Variants in DLEC1 observed in about 807,000 individuals in gnomAD.
DLEC1 encodes deleted in lung and esophageal cancer protein 1.
DLEC1 carries 146 observed loss-of-function variants against 198.1 expected under a neutral mutation model. That is an observed-to-expected ratio of 0.74 (90% confidence interval 0.64 to 0.85). The LOEUF (loss-of-function observed/expected upper bound fraction) is 0.85. Ranked by LOEUF, DLEC1 falls within the 40% of genes least tolerant of loss-of-function variation. DLEC1 has a pLI of 0.00. For synonymous variants in DLEC1, 897 were observed against 866.8 expected (o/e 1.03, Z -0.61); for missense variants, 2,233 against 2,220.0 (o/e 1.01, Z -0.12).
chr3:38,104,984 C>T (rs535992981), intron 19 of DLEC1, among the ~76,000 whole-genome samples: 71 of 152,220 alleles, frequency 4.7e-4, no homozygotes, highest in African/African-American at 1.6e-3. Context: ...CATCCTATAA[C>T]TTTTCATATA....
chr3:38,052,210 G>T, intron 2 of DLEC1: 1 of 453,312 alleles, frequency 2.2e-6, no homozygotes. Flanking sequence ...CATACCCAAT[G>T]TAAAATGTAG....
At chr3:38,086,108 A>C in intron 8 of DLEC1, 133 bp from the exon 9 acceptor site, 2 of 1,284,312 alleles carry the variant, frequency 1.6e-6, no homozygotes, top group South Asian at 3.2e-5. Flanking sequence ...GTCCCCACTC[A>C]TCCTCTCTGC....
In DLEC1 at chr3:38,039,468, T is replaced by A; in HGVS notation, c.243T>A (p.Arg81=). 1.9e-6 allele frequency: 3 copies of A among 1,614,050 alleles called. No individual in the cohort carries two copies. Among genetic ancestry groups the A allele is most frequent in the Non-Finnish European group, 2.5e-6 (3 of 1,179,882 alleles). The change falls in exon 1 of 37, where the codon CGT becomes CGA. Residue 81 remains arginine, a synonymous_variant. Coordinates refer to ENST00000308059, the MANE Select transcript of DLEC1 (RefSeq NM_007335.4). ...AGCGTCCCGAGCCTCAGCTGCTTCG[T>A]CTGCGCCCCTCCTCGCTGCGCACCC... ...LAQRPEPQLL[R]LRPSSLRTQD...
rs58003323 is a variant in DLEC1 at position 38,053,254 on chromosome 3, G to A, written c.563-6488G>A. On this transcript the variant is annotated intron_variant, in intron 2 of 36. Transcript: ENST00000308059. The stretch of plus-strand genomic sequence containing the variant: ...GAGCGTCTCTGCCTGGCCGCCCATC[G>A]TCTGGGATGTGAGGAGCCCCTCTGC... Among the ~76,000 whole-genome samples the A allele has an allele frequency of 3.6e-4, 54 of 150,578 alleles. No homozygotes were observed. In the East Asian group the frequency reaches 5.4e-3, roughly 15 times the overall value.
chr3:38,098,527 G>A (rs900304661), intron 18 of DLEC1, among the ~76,000 whole-genome samples: 5 of 151,980 alleles, frequency 3.3e-5, no homozygotes, highest in African/African-American at 1.2e-4. Context: ...GTACATCACC[G>A]CCCCTTCACC....
In DLEC1 at chr3:38,062,610, G is replaced by C. The variant is rs1696752310; in HGVS notation, c.903G>C (p.Trp301Cys). 1 of 1,614,012 alleles carries C rather than the reference G, an allele frequency of 6.2e-7. No homozygotes were observed. Among genetic ancestry groups the C allele is most frequent in the African/African-American group, 1.3e-5 (1 of 74,904 alleles). Residue 301 changes from tryptophan (W) to cysteine (C), a missense_variant, in exon 5 of 37, where the codon TGG (tryptophan) becomes TGC (cysteine). Physicochemically the swap from Trp to Cys is radical, Grantham distance 215 (BLOSUM62 -2). Coordinates refer to ENST00000308059, the MANE Select transcript of DLEC1 (RefSeq NM_007335.4). The part of the protein sequence containing the change: ...KKASQPRNKN[W>C]MNHLRVPQRE... Reference sequence around the variant, plus strand: ...CAAGTCAACCAAGGAATAAAAACTGGATGAACCACTTACGTGTGCCACAGA... The same window carrying C: ...CAAGTCAACCAAGGAATAAAAACTGCATGAACCACTTACGTGTGCCACAGA...
At chr3:38,106,689 G>A (rs1365909949) in intron 19 of DLEC1, among the ~76,000 whole-genome samples, 2 of 148,154 alleles carry the variant, frequency 1.3e-5, no homozygotes, top group African/African-American at 5.0e-5. Flanking sequence ...CCAGGAGGCA[G>A]AGGTTGCAGT....
intron 7 of DLEC1, among the ~76,000 whole-genome samples, chr3:38,084,458 A>AGTGGTGGTAGTAGTG (rs1559430285): frequency 0.015 from 7 of 476 alleles, 1 homozygote; most frequent in African/African-American, 0.056. Context: ...TGGTGGTAGT[A>AGTGGTGGTAGTAGTG]GTAATAGTAG....
chr3:38,058,377 G>A (rs569479397), intron 2 of DLEC1, among the ~76,000 whole-genome samples: 3 of 152,104 alleles, frequency 2.0e-5, no homozygotes, highest in Non-Finnish European at 4.4e-5. Flanking sequence ...AGACATAGCC[G>A]CTTGCTCTTG....
In DLEC1 at chr3:38,118,035, G is replaced by C. The variant is rs758931539; in HGVS notation, c.4704+11G>C. ...CAGGAGAACATGCTGGTCAGTGGGG[G>C]AGTCTGCAGCCCTTGCCTCGATGGC... is the stretch of plus-strand genomic sequence containing the variant. On this transcript the variant is annotated intron_variant, in intron 33 of 36. Coordinates refer to ENST00000308059, the MANE Select transcript of DLEC1 (RefSeq NM_007335.4). 3 of 1,582,556 alleles carry C rather than the reference G, an allele frequency of 1.9e-6. No homozygotes were observed. Among genetic ancestry groups the C allele is most frequent in the Non-Finnish European group, 2.6e-6 (3 of 1,164,886 alleles).
Position 38,112,455 on chromosome 3 carries a change from ACT to A in DLEC1, c.3666+98_3666+99del. On this transcript the variant is annotated intron_variant, in intron 25 of 36. Transcript: ENST00000308059. This position sits in a 1 kb window ranked among gnomAD's most constrained non-coding sequence, Gnocchi z 4.8. ...CTCCCCTCCAACACCTGGCCCTCAG[ACT>A]CTCAAACCTCACCAGGTTGAAACGC... 6.4e-7 allele frequency: 1 copy of A among 1,553,622 alleles called. No individual in the cohort carries two copies. The highest frequency in any genetic ancestry group is 1.4e-5 in the African/African-American group (1 of 73,786).
At chr3:38,120,659 C>G in intron 34 of DLEC1, 50 bp downstream of exon 34, 8 of 1,606,482 alleles carry the variant, frequency 5.0e-6, no homozygotes, top group Non-Finnish European at 6.8e-6. Flanking sequence ...GTGGGCTGGG[C>G]TGTGTTCTGC....
chr3:38,115,017 A>G lies in DLEC1; in HGVS notation c.3820A>G (p.Thr1274Ala), dbSNP rs969120310. Residue 1274 changes from threonine to alanine, a missense_variant, in exon 27 of 37, where the codon ACC becomes GCC. Physicochemically the swap from Thr to Ala is moderately conservative, Grantham distance 58 (BLOSUM62 0). Transcript: ENST00000308059. ...GTQVSGGDTV[T>A]RTLRLNNSSP... is the part of the protein sequence containing the mutation. ...CCAGGTCTCCGGAGGAGACACAGTT[A>G]CCCGAACCCTTCGCCTGAATAACTC... 3.8e-5 allele frequency: 61 copies of G among 1,613,784 alleles called. 2 individuals carry two copies. The Admixed American group carries it at 1.0e-3, about 26-fold the overall frequency.
chr3:38,052,545 A>G (rs1301729583), intron 2 of DLEC1: 2 of 187,480 alleles, frequency 1.1e-5, no homozygotes, highest in African/African-American at 4.7e-5. Flanking sequence ...GCATCAGCCA[A>G]TAGCAGGAAC....
At chr3:38,074,900 A>AC (rs1416871513) in intron 6 of DLEC1, among the ~76,000 whole-genome samples, 4 of 152,222 alleles carry the variant, frequency 2.6e-5, no homozygotes, top group Non-Finnish European at 5.9e-5. Flanking sequence ...AGAAAAAGGT[A>AC]CATGTACCCT....
In DLEC1 at chr3:38,045,436, A is replaced by G. The variant is rs190145969; in HGVS notation, c.412-107A>G. 1.8e-3 allele frequency: 2,495 copies of G among 1,409,492 alleles called. 7 individuals are homozygous for G. Among genetic ancestry groups the G allele is most frequent in the Non-Finnish European group, 2.2e-3 (2,334 of 1,055,128 alleles). 87.3% of individuals were successfully genotyped at this position (1,409,492 alleles called of 1,614,324 possible). A position where few individuals can be genotyped will look rare whatever the true frequency, so the allele number is the denominator to read the frequency against. On this transcript the variant is annotated intron_variant, in intron 1 of 36. Coordinates refer to ENST00000308059, the MANE Select transcript of DLEC1 (RefSeq NM_007335.4). Reference sequence around the variant, plus strand: ...AGATGGTTGGAATAGTTCTCTGACTATTCTATGCTTCACTGGAAGCCCTGA... The same window carrying G: ...AGATGGTTGGAATAGTTCTCTGACTGTTCTATGCTTCACTGGAAGCCCTGA...
chr3:38,062,887 G>A, intron 5 of DLEC1, 86 bp downstream of exon 5: 1 of 1,419,900 alleles, frequency 7.0e-7, no homozygotes. Flanking sequence ...TGGCTGTAGA[G>A]GTCCCTAGAC....
In DLEC1 at chr3:38,062,807, T is replaced by G. The variant is rs1162657416; in HGVS notation, c.1094+6T>G. On this transcript the variant is annotated splice_donor_region_variant and intron_variant, in intron 5 of 36. Coordinates refer to ENST00000308059, the MANE Select transcript of DLEC1 (RefSeq NM_007335.4). The stretch of plus-strand genomic sequence containing the variant: ...AGTACAGAGCCAGAACAGAGGTATG[T>G]CTTTCTCTGGCTTGAACTCTCAGAA... The G allele has an allele frequency of 6.2e-7, 1 of 1,612,834 alleles. No homozygotes were observed. The highest frequency in any genetic ancestry group is 8.5e-7 in the Non-Finnish European group (1 of 1,179,594).
intron 2 of DLEC1, among the ~76,000 whole-genome samples, chr3:38,056,783 T>C (rs1696395156): frequency 6.6e-6 from 1 of 152,068 alleles, no homozygotes; most frequent in Non-Finnish European, 1.5e-5. Flanking sequence ...AGATTCAGTA[T>C]CCAAAATATG....
Sources: allele counts gnomAD v4.1 joint callset (sites outside exome capture counted in the v4.1 genomes callset), GRCh38; gene constraint gnomAD v4.1.1; non-coding constraint Gnocchi (gnomAD v3.1); transcripts MANE v1.5; gene names NCBI Gene and HGNC (gene_info 2026-07-23, HGNC 2026-07-21).